The following ADAMTSL3 variants were observed in gnomAD, a reference collection of about 807,000 sequenced individuals.
The protein encoded by ADAMTSL3 is ADAMTS like 3.
In ADAMTSL3, 128 loss-of-function variants were observed where a neutral mutation model predicts 201.7. The observed-to-expected ratio is 0.63, with a 90% CI of 0.55 to 0.73. The LOEUF (loss-of-function observed/expected upper bound fraction) is 0.73. Ranked by LOEUF, ADAMTSL3 falls within the 30% of genes least tolerant of loss-of-function variation. The pLI is 0.00. For missense variants in ADAMTSL3, 1,990 were observed against 2,119.6 expected (o/e 0.94, Z 1.20); for synonymous variants, 738 against 748.4 (o/e 0.99, Z 0.23).
intron 14 of ADAMTSL3, among the ~76,000 whole-genome samples, chr15:83,899,114 G>A (rs1180023210): frequency 6.6e-6 from 1 of 152,096 alleles, no homozygotes; most frequent in Non-Finnish European, 1.5e-5. Context: ...GGACAGGAAG[G>A]GGGGCAACAG....
At chr15:83,972,997 G>C (rs116063422) in intron 20 of ADAMTSL3, among the ~76,000 whole-genome samples, 6 of 152,084 alleles carry the variant, frequency 3.9e-5, no homozygotes, top group African/African-American at 1.4e-4. Context: ...ACCTTCAAAG[G>C]CACCATGTGC....
intron 3 of ADAMTSL3, among the ~76,000 whole-genome samples, chr15:83,755,994 GAGGTGA>G (rs2062713627): frequency 1.3e-5 from 2 of 152,108 alleles, no homozygotes; most frequent in African/African-American, 4.8e-5. Context: ...CTCCTGACCT[GAGGTGA>G]TTCACCTGCC....
At chr15:83,852,866 G>A (rs553778821) in intron 7 of ADAMTSL3, among the ~76,000 whole-genome samples, 100 of 151,916 alleles carry the variant, frequency 6.6e-4, no homozygotes, top group Non-Finnish European at 1.1e-3. Context: ...GTCCATTTTT[G>A]GGGGGCTGGA....
In ADAMTSL3 at chr15:83,780,891, A is replaced by C. The variant is rs117521219; in HGVS notation, c.317+7241A>C. Reference sequence around the variant, plus strand: ...CACAAAATAAAATACCTAGGAATACAGCTAACCAGGGAGGTAGAATATTTC... The same window carrying C: ...CACAAAATAAAATACCTAGGAATACCGCTAACCAGGGAGGTAGAATATTTC... On this transcript the variant is annotated intron_variant, in intron 4 of 29. Transcript: ENST00000286744. Among the ~76,000 whole-genome samples, 696 of 152,330 alleles carry C rather than the reference A, an allele frequency of 4.6e-3. 33 individuals are homozygous for C. In the East Asian group the frequency reaches 0.11, roughly 23 times the overall value.
In ADAMTSL3 at chr15:83,762,357, G is replaced by A. The variant is rs530118230; in HGVS notation, c.190-11166G>A. ...TGTGGACACACTCTGATCTTAGCGT[G>A]CAGTAAAGACAACTATCTTAGTCAA... On this transcript the variant is annotated intron_variant, in intron 3 of 29. Coordinates refer to ENST00000286744, the MANE Select transcript of ADAMTSL3 (RefSeq NM_207517.3). Among the ~76,000 whole-genome samples, 3 of 152,308 alleles carry A rather than the reference G, an allele frequency of 2.0e-5. No homozygotes were observed. In the South Asian group the frequency reaches 6.2e-4, roughly 32 times the overall value.
intron 2 of ADAMTSL3, among the ~76,000 whole-genome samples, chr15:83,666,420 A>G (rs8026879): frequency 2.0e-5 from 3 of 152,098 alleles, no homozygotes; most frequent in South Asian, 2.1e-4. Flanking sequence ...ATTGATGTCT[A>G]TGCTTACCTT....
chr15:84,030,343 T>A lies in ADAMTSL3; in HGVS notation c.4657-992T>A, dbSNP rs114513508. On this transcript the variant is annotated intron_variant, in intron 27 of 29. Transcript: ENST00000286744. Reference sequence around the variant, plus strand: ...CTGCTTAAGGCCATGGGAGCCCACCTCTTACATCAGCATGATGGAAGACAC... The same window carrying A: ...CTGCTTAAGGCCATGGGAGCCCACCACTTACATCAGCATGATGGAAGACAC... Among the ~76,000 whole-genome samples, 1,128 of 152,270 alleles carry A rather than the reference T, an allele frequency of 7.4e-3. 18 individuals are homozygous for A. Among genetic ancestry groups the A allele is most frequent in the African/African-American group, 0.024 (990 of 41,564 alleles).
intron 2 of ADAMTSL3, among the ~76,000 whole-genome samples, chr15:83,665,979 T>A (rs2061243169): frequency 6.6e-6 from 1 of 152,150 alleles, no homozygotes; most frequent in African/African-American, 2.4e-5. Context: ...TTTTTAAAAT[T>A]TAAAAACAGC....
In ADAMTSL3 at chr15:83,795,928, C is replaced by T. The variant is rs372086943; in HGVS notation, c.318-8722C>T. On this transcript the variant is annotated intron_variant, in intron 4 of 29. Coordinates refer to ENST00000286744, the MANE Select transcript of ADAMTSL3 (RefSeq NM_207517.3). ...TATGTAACACACAAGGAAATACTTG[C>T]GAGGAGTAAGCACCAGCAGGCACAA... is the stretch of plus-strand genomic sequence containing the variant. Among the ~76,000 whole-genome samples the T allele has an allele frequency of 5.9e-5, 9 of 151,974 alleles. No individual in the cohort carries two copies. The South Asian group carries it at 6.3e-4, about 11-fold the overall frequency.
intron 3 of ADAMTSL3, among the ~76,000 whole-genome samples, chr15:83,711,689 A>G (rs1439832454): frequency 1.3e-5 from 2 of 152,262 alleles, no homozygotes; most frequent in Non-Finnish European, 2.9e-5. Flanking sequence ...ATGCATGAAT[A>G]CTGCACATGC....
At chr15:83,736,972 T>G (rs2062378388) in intron 3 of ADAMTSL3, among the ~76,000 whole-genome samples, 1 of 151,694 alleles carries the variant, frequency 6.6e-6, no homozygotes, top group Non-Finnish European at 1.5e-5. Context: ...AACAGAAGAG[T>G]TAACACCCAG....
At chr15:83,703,567 A>T (rs1201724004) in intron 2 of ADAMTSL3, among the ~76,000 whole-genome samples, 1 of 152,116 alleles carries the variant, frequency 6.6e-6, no homozygotes, top group Non-Finnish European at 1.5e-5. Flanking sequence ...TGATGGTTTT[A>T]TCAGGGGTTT....
At chr15:83,838,895 A>G (rs1174470859) in intron 7 of ADAMTSL3, among the ~76,000 whole-genome samples, 5 of 152,234 alleles carry the variant, frequency 3.3e-5, no homozygotes, top group African/African-American at 1.2e-4. Flanking sequence ...TGCTGGCCAT[A>G]TAGTCTCAAC....
At chr15:83,885,722 G>A (rs1217861402) in intron 10 of ADAMTSL3, among the ~76,000 whole-genome samples, 1 of 151,798 alleles carries the variant, frequency 6.6e-6, no homozygotes, top group Non-Finnish European at 1.5e-5. Context: ...CTTATTGTCT[G>A]CTTAGTTCAA....
At chr15:83,710,054 G>C (rs1428245700) in intron 3 of ADAMTSL3, among the ~76,000 whole-genome samples, 1 of 152,148 alleles carries the variant, frequency 6.6e-6, no homozygotes, top group Non-Finnish European at 1.5e-5. Flanking sequence ...AGGAAAAAAG[G>C]TTAATACCTT....
intron 4 of ADAMTSL3, among the ~76,000 whole-genome samples, chr15:83,801,639 T>TATATATATAAATATAA (rs1237756327): frequency 7.3e-4 from 22 of 29,976 alleles, no homozygotes; most frequent in African/African-American, 3.3e-3. Flanking sequence ...TATATATAAA[T>TATATATATAAATATAA]ATATAAATAT....
intron 20 of ADAMTSL3, among the ~76,000 whole-genome samples, 167 bp downstream of exon 20, chr15:83,970,804 A>G (rs548741140): frequency 5.3e-5 from 8 of 152,336 alleles, no homozygotes; most frequent in Non-Finnish European, 1.2e-4. Context: ...GAAGACCAAG[A>G]TATAGTTCTA....
At position 83,768,323 on chromosome 15, in the gene ADAMTSL3, C is replaced by G. The variant is rs374400554; in HGVS notation, c.190-5200C>G. ...GTTTAAGAAACTCAGAGTCAAACAG[C>G]TTTTAACTATTATGTGATGCTGTCT... On this transcript the variant is annotated intron_variant, in intron 3 of 29. Coordinates refer to ENST00000286744, the MANE Select transcript of ADAMTSL3 (RefSeq NM_207517.3). 2.6e-5 allele frequency among the ~76,000 whole-genome samples: 4 copies of G among 152,110 alleles called. No homozygotes were observed. The East Asian group carries it at 5.8e-4, about 22-fold the overall frequency.
rs1016748113 is a variant in ADAMTSL3 at position 84,039,512 on chromosome 15, T to G, written c.*1706T>G. 6.6e-6 allele frequency: 1 copy of G among 152,614 alleles called. No individual in the cohort carries two copies. The highest frequency in any genetic ancestry group is 1.5e-5 in the Non-Finnish European group (1 of 68,036). The allele number at this position is 152,614 out of a possible 1,614,324, so 9.5% of individuals were successfully genotyped here. A position where few individuals can be genotyped will look rare whatever the true frequency, so the allele number is the denominator to read the frequency against. ...ATCTGATTGTTGAAGGTTATTAAAT[T>G]AAAAGAAAGATCATTTGTAACATAC... is the stretch of plus-strand genomic sequence containing the variant. On this transcript the variant is annotated 3_prime_UTR_variant, in exon 30 of 30. Transcript: ENST00000286744.
Sources: allele counts gnomAD v4.1 joint callset (sites outside exome capture counted in the v4.1 genomes callset), GRCh38; gene constraint gnomAD v4.1.1; transcripts MANE v1.5; gene names NCBI Gene and HGNC (gene_info 2026-07-23, HGNC 2026-07-21).